Variants in KIF14 observed in about 807,000 individuals in gnomAD.
The protein encoded by KIF14 is kinesin-like protein KIF14.
KIF14 carries 98 observed loss-of-function variants against 176.2 expected under a neutral mutation model. The observed-to-expected ratio is 0.56, with a 90% CI of 0.47 to 0.66. The LOEUF (loss-of-function observed/expected upper bound fraction) is 0.66, where lower values mean the gene tolerates loss of function less well. Among genes scored for constraint, KIF14 ranks in the 30% least tolerant of loss-of-function variants. The probability of loss-of-function intolerance (pLI) is 0.00; values close to 1 mark genes in which losing one functional copy is unlikely to be tolerated. For missense variants in KIF14, 1,751 were observed against 1,920.4 expected (o/e 0.91, Z 1.65); for synonymous variants, 566 against 632.2 (o/e 0.90, Z 1.57).
intron 2 of KIF14, 47 bp from the exon 3 acceptor site, chr1:200,615,656 G>C: frequency 6.6e-7 from 1 of 1,510,828 alleles, no homozygotes; most frequent in Non-Finnish European, 9.0e-7. Context: ...AAATGATCAA[G>C]GGTATTATTC....
chr1:200,555,625 G>A (rs1362702123), intron 27 of KIF14, among the ~76,000 whole-genome samples, 171 bp from the exon 28 acceptor site: 1 of 152,046 alleles, frequency 6.6e-6, no homozygotes, highest in Non-Finnish European at 1.5e-5. Flanking sequence ...TCATACATGT[G>A]AAATTTCTTC....
At position 200,617,646 on chromosome 1, in the gene KIF14, T is replaced by C. The variant is rs1660466484; in HGVS notation, c.1078A>G (p.Thr360Ala). The change falls in exon 2 of 30, where the codon ACA (threonine) becomes GCA (alanine). Residue 360 changes from threonine to alanine, a missense_variant. Thr to Ala is a moderately conservative substitution (Grantham distance 58). Coordinates refer to ENST00000367350, the MANE Select transcript of KIF14 (RefSeq NM_014875.3). ...DPLKVENSQV[T>A]VAVRVRPFTK... is the part of the protein sequence containing the mutation. The stretch of plus-strand genomic sequence containing the variant: ...AAAGGTCTTACGCGTACTGCCACTG[T>C]CACTTGACTATTCTCTACTTTTAAG... The C allele has an allele frequency of 6.2e-7, 1 of 1,612,838 alleles. No individual in the cohort carries two copies. Among genetic ancestry groups the C allele is most frequent in the Non-Finnish European group, 8.5e-7 (1 of 1,179,324 alleles).
chr1:200,606,917 GA>G (rs397971195), intron 5 of KIF14, 119 bp from the exon 6 acceptor site: 7,692 of 625,480 alleles, frequency 0.012, 2 homozygotes, highest in South Asian at 0.019. Context: ...TTTTATCCAG[GA>G]AAAAAAAAAA....
intron 22 of KIF14, among the ~76,000 whole-genome samples, chr1:200,571,619 G>A (rs77477660): frequency 0.024 from 3,585 of 152,130 alleles, 51 homozygotes; most frequent in Non-Finnish European, 0.035. Flanking sequence ...ACTATTTGTC[G>A]AAAAGATTAT....
intron 29 of KIF14, 141 bp from the exon 30 acceptor site, chr1:200,553,908 A>G (rs1656692503): frequency 1.3e-6 from 1 of 794,474 alleles, no homozygotes; most frequent in Non-Finnish European, 1.9e-6. Context: ...TTAGTCAACT[A>G]AAGTGTTTAT....
At chr1:200,556,217 A>G (rs903767878) in intron 27 of KIF14, among the ~76,000 whole-genome samples, 2 of 151,970 alleles carry the variant, frequency 1.3e-5, no homozygotes, top group East Asian at 1.9e-4. Context: ...TTCCTGCTCA[A>G]TTTCTGCCAG....
intron 13 of KIF14, 150 bp downstream of exon 13, chr1:200,599,900 A>G (rs1659540231): frequency 1.8e-6 from 1 of 545,446 alleles, no homozygotes. Context: ...ATTTCTTTAT[A>G]TTAATTTTCC....
intron 21 of KIF14, among the ~76,000 whole-genome samples, chr1:200,578,337 C>CT (rs1658246667): frequency 6.6e-6 from 1 of 152,104 alleles, no homozygotes; most frequent in African/African-American, 2.4e-5. Context: ...GCAGCATCCT[C>CT]TAAGTTTTTC....
intron 21 of KIF14, among the ~76,000 whole-genome samples, chr1:200,579,955 T>A (rs1285453865): frequency 6.6e-6 from 1 of 152,026 alleles, no homozygotes; most frequent in Non-Finnish European, 1.5e-5. Context: ...TAAGCTTAAA[T>A]GTAAAAATTT....
intron 18 of KIF14, among the ~76,000 whole-genome samples, chr1:200,588,239 GTTT>G (rs1223881366): frequency 8.0e-6 from 1 of 125,660 alleles, no homozygotes; most frequent in African/African-American, 4.1e-5. Flanking sequence ...TTGTTTGTTT[GTTT>G]GTTTTGTTTT....
chr1:200,583,986 GT>G (rs1658602448), intron 19 of KIF14, among the ~76,000 whole-genome samples: 1 of 151,448 alleles, frequency 6.6e-6, no homozygotes, highest in Admixed American at 6.6e-5. Context: ...GCTCACAACT[GT>G]AAACCCAGCA....
intron 21 of KIF14, among the ~76,000 whole-genome samples, chr1:200,579,410 C>A (rs1658320908): frequency 6.6e-6 from 1 of 152,170 alleles, no homozygotes; most frequent in African/African-American, 2.4e-5. Flanking sequence ...AGTTCGAGAC[C>A]AGCCTGGCCA....
chr1:200,569,343 A>G (rs1657653113), intron 23 of KIF14, among the ~76,000 whole-genome samples: 1 of 152,222 alleles, frequency 6.6e-6, no homozygotes, highest in South Asian at 2.1e-4. Context: ...GTAAAAAATA[A>G]TTATTCAGAG....
chr1:200,612,624 T>C (rs1251853551), intron 4 of KIF14, among the ~76,000 whole-genome samples: 2 of 152,162 alleles, frequency 1.3e-5, no homozygotes, highest in Non-Finnish European at 2.9e-5. Flanking sequence ...TTACTGGGAA[T>C]GAGAGGTTGA....
intron 14 of KIF14, among the ~76,000 whole-genome samples, chr1:200,597,806 A>G (rs568198656): frequency 6.6e-6 from 1 of 152,336 alleles, no homozygotes; most frequent in African/African-American, 2.4e-5. Context: ...TGGAAACACA[A>G]TGCAGAGTCA....
chr1:200,615,512 C>A lies in KIF14; in HGVS notation c.1210G>T (p.Asp404Tyr). Residue 404 changes from aspartate (D) to tyrosine (Y), a missense_variant, in exon 3 of 30, where the codon GAT (aspartate) becomes TAT (tyrosine). By Grantham distance (160) the Asp-to-Tyr change is radical. Coordinates refer to ENST00000367350, the MANE Select transcript of KIF14 (RefSeq NM_014875.3). ...DTKQVYNFIY[D>Y]VSFWSFDECH... ...TCATCAAAAGACCAGAATGAAACAT[C>A]ATAAATAAAATTATAAACTTGTTTC... The A allele has an allele frequency of 6.2e-7, 1 of 1,613,966 alleles. No individual in the cohort carries two copies. The highest frequency in any genetic ancestry group is 8.5e-7 in the Non-Finnish European group (1 of 1,179,878).
intron 1 of KIF14, among the ~76,000 whole-genome samples, 195 bp downstream of exon 1, chr1:200,620,216 T>C (rs1660614671): frequency 6.6e-6 from 1 of 152,220 alleles, no homozygotes; most frequent in Non-Finnish European, 1.5e-5. Context: ...AAGAAGATTC[T>C]GGAAATTCTC....
chr1:200,611,914 TTAAG>T (rs1317336154), intron 4 of KIF14, among the ~76,000 whole-genome samples: 2 of 152,212 alleles, frequency 1.3e-5, no homozygotes, highest in African/African-American at 4.8e-5. Context: ...CAGAAAGACA[TTAAG>T]TAAATTGTTC....
intron 25 of KIF14, among the ~76,000 whole-genome samples, chr1:200,564,530 A>G (rs1657339220): frequency 6.6e-6 from 1 of 152,192 alleles, no homozygotes; most frequent in South Asian, 2.1e-4. Flanking sequence ...TATCTGATAC[A>G]AGATAAGCAG....
Sources: gnomAD v4.1 joint callset for allele counts (sites outside exome capture counted in the v4.1 genomes callset) on GRCh38, gnomAD v4.1.1 for gene constraint, MANE v1.5 for transcripts, NCBI Gene and HGNC (gene_info 2026-07-23, HGNC 2026-07-21) for gene names.